SRGAP2: variants seen among roughly 807,000 people sequenced by gnomAD.
SRGAP2 encodes SLIT-ROBO Rho GTPase-activating protein 2.
SRGAP2 carries 15 observed loss-of-function variants against 57.2 expected under a neutral mutation model. That is an observed-to-expected ratio of 0.26 (90% confidence interval 0.18 to 0.40). SRGAP2 has a LOEUF of 0.40. SRGAP2 is among the 10% of genes least tolerant of loss of function. The pLI is 1.00. For missense variants in SRGAP2, 520 were observed against 669.6 expected (o/e 0.78, Z 2.47); for synonymous variants, 249 against 248.0 (o/e 1.00, Z -0.04).
intron 17 of SRGAP2, among the ~76,000 whole-genome samples, chr1:206,440,815 G>A (rs781832758): frequency 1.3e-5 from 2 of 152,344 alleles, no homozygotes; most frequent in East Asian, 3.9e-4. Context: ...AAAGTGCTGG[G>A]ATTACAGGCG....
rs372957447 is a variant in SRGAP2, at chr1:206,334,992, A to G, written c.261-7854A>G. On this transcript the variant is annotated intron_variant, in intron 3 of 22. Transcript: ENST00000573034. ...TTTTTCTATGGACTTTGTGGATCCA[A>G]CTGTCAACATGATATTGATGGTTAT... 3.4e-3 allele frequency among the ~76,000 whole-genome samples: 517 copies of G among 150,776 alleles called. 16 individuals are homozygous for G. In the East Asian group the frequency reaches 0.06, roughly 17 times the overall value.
chr1:206,334,804 T>C (rs1383250237), intron 3 of SRGAP2, among the ~76,000 whole-genome samples: 1 of 150,654 alleles, frequency 6.6e-6, no homozygotes, highest in Non-Finnish European at 1.5e-5. Flanking sequence ...CCTCAGTCAT[T>C]TCCCAAGGTT....
rs113333811 is a variant in SRGAP2 at position 206,446,492 on chromosome 1, C to T, written c.2099+193C>T. ...CCCACAGACTAAATGCCACTTCTTG[C>T]CACCTCCCTTTTTGATGAGTTCTGA... On this transcript the variant is annotated intron_variant, in intron 18 of 22. Transcript: ENST00000573034. 3.0e-3 allele frequency among the ~76,000 whole-genome samples: 454 copies of T among 152,314 alleles called. 1 individual carries two copies. Among genetic ancestry groups the T allele is most frequent in the African/African-American group, 0.011 (440 of 41,574 alleles).
In SRGAP2 at chr1:206,354,289, T is replaced by A. The variant is rs1477296113; in HGVS notation, c.423+11281T>A. Among the ~76,000 whole-genome samples, 7 of 152,334 alleles carry A rather than the reference T, an allele frequency of 4.6e-5. No individual in the cohort carries two copies. In the East Asian group the frequency reaches 1.3e-3, roughly 29 times the overall value. On this transcript the variant is annotated intron_variant, in intron 4 of 22. Coordinates refer to ENST00000573034, the MANE Select transcript of SRGAP2 (RefSeq NM_015326.5). ...GTTTTATTCTAGGAGGCTATTAAAT[T>A]ACTGGTTGATCACCTTGATCTTGTG... is the stretch of plus-strand genomic sequence containing the variant.
intron 2 of SRGAP2, among the ~76,000 whole-genome samples, chr1:206,234,422 C>T (rs1305496671): frequency 2.6e-5 from 4 of 152,138 alleles, no homozygotes; most frequent in African/African-American, 9.7e-5. Context: ...CTCTTAACAG[C>T]TGGTGGCCAT....
intron 10 of SRGAP2, among the ~76,000 whole-genome samples, chr1:206,411,462 G>A (rs1167998206): frequency 2.0e-5 from 3 of 152,096 alleles, no homozygotes; most frequent in African/African-American, 7.2e-5. Flanking sequence ...ATTAAACTGG[G>A]GAGACATGCT....
At chr1:206,357,582 CTTTTTTTTTT>C (rs781912077) in intron 4 of SRGAP2, among the ~76,000 whole-genome samples, 1 of 78,052 alleles carries the variant, frequency 1.3e-5, no homozygotes, top group African/African-American at 5.5e-5. Context: ...GCTATGTTGT[CTTTTTTTTTT>C]TTTTTTTTTT....
At chr1:206,429,623 G>A (rs1661113988) in intron 13 of SRGAP2, among the ~76,000 whole-genome samples, 2 of 152,384 alleles carry the variant, frequency 1.3e-5, no homozygotes, top group South Asian at 4.1e-4. Flanking sequence ...GAAAGAACAG[G>A]CAGTGGAACT....
chr1:206,312,790 G>C lies in SRGAP2; in HGVS notation c.260+9317G>C, dbSNP rs369123577. On this transcript the variant is annotated intron_variant, in intron 3 of 22. Coordinates refer to ENST00000573034, the MANE Select transcript of SRGAP2 (RefSeq NM_015326.5). The stretch of plus-strand genomic sequence containing the variant: ...CAAGAGCAGTGGTAAAGTATTATGC[G>C]AGGGTAGGAAGCCTTTCTAGGGAAG... Among the ~76,000 whole-genome samples, 60 of 152,170 alleles carry C rather than the reference G, an allele frequency of 3.9e-4. No individual in the cohort carries two copies. The East Asian group carries it at 0.01, about 26-fold the overall frequency.
Position 206,461,152 on chromosome 1 carries a change from C to T in SRGAP2, c.2948C>T (p.Ser983Phe), listed in dbSNP as rs782746884. 6 of 780,744 alleles carry T rather than the reference C, an allele frequency of 7.7e-6. No individual in the cohort carries two copies. The South Asian group carries it at 8.0e-5, about 10-fold the overall frequency. 48.4% of individuals were successfully genotyped at this position (780,744 alleles called of 1,614,324 possible). A position where few individuals can be genotyped will look rare whatever the true frequency, so the allele number is the denominator to read the frequency against. Residue 983 changes from serine to phenylalanine, a missense_variant, in exon 23 of 23, where the codon TCC becomes TTC. This residue lies in a region of SRGAP2 where 478 missense variants were observed against 373.6 expected (regional missense o/e 1.28). Coordinates refer to ENST00000573034, the MANE Select transcript of SRGAP2 (RefSeq NM_015326.5). ...VLDTLEPLKT[S>F]PVVAPTSEPS... The stretch of plus-strand genomic sequence containing the variant: ...GACACCTTGGAGCCCCTCAAAACCT[C>T]CCCAGTGGTGGCCCCCACGTCAGAG...
chr1:206,454,185 C>T lies in SRGAP2; in HGVS notation c.2361-693C>T, dbSNP rs782683889. The T allele has an allele frequency of 1.4e-5, 10 of 702,254 alleles. No individual in the cohort carries two copies. Among genetic ancestry groups the T allele is most frequent in the African/African-American group, 3.5e-5 (2 of 57,254 alleles). 43.5% of individuals were successfully genotyped at this position (702,254 alleles called of 1,614,324 possible). Reference sequence around the variant, plus strand: ...AGTCTGCACCCTCCCAGCCTCTTCCCGGCTCGTTCTGCAGGGAAATCCTCC... The same window carrying T: ...AGTCTGCACCCTCCCAGCCTCTTCCTGGCTCGTTCTGCAGGGAAATCCTCC... On this transcript the variant is annotated intron_variant, in intron 20 of 22. Transcript: ENST00000573034. This position sits in a 1 kb window ranked among gnomAD's most constrained non-coding sequence, Gnocchi z 4.3.
chr1:206,213,092 G>A (rs1313988483), intron 2 of SRGAP2, among the ~76,000 whole-genome samples: 1 of 152,158 alleles, frequency 6.6e-6, no homozygotes, highest in Non-Finnish European at 1.5e-5. Context: ...ACGGGAGGCT[G>A]AGGCACGAGA....
chr1:206,312,846 G>A (rs1392740397), intron 3 of SRGAP2, among the ~76,000 whole-genome samples: 2 of 151,938 alleles, frequency 1.3e-5, no homozygotes, highest in Admixed American at 1.3e-4. Context: ...GCTCCTTGAA[G>A]AGCATAAATG....
rs1270351948 is a variant in SRGAP2, at chr1:206,462,339, A to G, written c.*919A>G. ...CATTTAAGACATTTTCCTGTATAAG[A>G]CAGTTTTATAGCTGGTTCCTTTTAG... is the stretch of plus-strand genomic sequence containing the variant. On this transcript the variant is annotated 3_prime_UTR_variant, in exon 23 of 23. Transcript: ENST00000573034. The G allele has an allele frequency of 6.6e-6, 1 of 152,608 alleles. No homozygotes were observed. Among genetic ancestry groups the G allele is most frequent in the Non-Finnish European group, 1.5e-5 (1 of 68,036 alleles). 9.5% of individuals were successfully genotyped at this position (152,608 alleles called of 1,614,324 possible).
Position 206,436,665 on chromosome 1 carries a change from A to T in SRGAP2, c.1556-300A>T, listed in dbSNP as rs77250583. On this transcript the variant is annotated intron_variant, in intron 14 of 22. Transcript: ENST00000573034. The stretch of plus-strand genomic sequence containing the variant: ...TGATTTAAAAAAGTACCAATGGGTC[A>T]CTTCTTTGCTTTACAGATGGGAAAA... Among the ~76,000 whole-genome samples, 1,514 of 152,304 alleles carry T rather than the reference A, an allele frequency of 9.9e-3. 33 individuals are homozygous for T. Among genetic ancestry groups the T allele is most frequent in the African/African-American group, 0.035 (1,447 of 41,568 alleles).
chr1:206,377,202 G>C (rs1213337373), intron 4 of SRGAP2, among the ~76,000 whole-genome samples: 44 of 151,942 alleles, frequency 2.9e-4, no homozygotes, highest in Non-Finnish European at 8.8e-5. Flanking sequence ...CAAGTATTGG[G>C]CCTTAGACTA....
At chr1:206,229,715 T>G (rs1667502964) in intron 2 of SRGAP2, among the ~76,000 whole-genome samples, 2 of 152,080 alleles carry the variant, frequency 1.3e-5, no homozygotes, top group South Asian at 2.1e-4. Flanking sequence ...TATTTGTACT[T>G]GGTCTTTTCT....
In SRGAP2 at chr1:206,462,965, TCTC is replaced by T; in HGVS notation, c.*1546_*1548del. 1 of 152,318 alleles carries T rather than the reference TCTC, an allele frequency of 6.6e-6. No homozygotes were observed. The highest frequency in any genetic ancestry group is 2.4e-5 in the African/African-American group (1 of 41,562). The allele number at this position is 152,318 out of a possible 1,614,324, so 9.4% of individuals were successfully genotyped here. ...AGTTAAAGCTGAAACTCATCCTTCT[TCTC>T]TGTGTTTTCTGGTTTAAAAGCTGCA... is the stretch of plus-strand genomic sequence containing the variant. On this transcript the variant is annotated 3_prime_UTR_variant, in exon 23 of 23. Coordinates refer to ENST00000573034, the MANE Select transcript of SRGAP2 (RefSeq NM_015326.5).
intron 4 of SRGAP2, among the ~76,000 whole-genome samples, chr1:206,375,953 T>C (rs1655158201): frequency 6.7e-6 from 1 of 150,292 alleles, no homozygotes; most frequent in Non-Finnish European, 1.5e-5. Flanking sequence ...GCCATTTCTG[T>C]CCTAGAGGAG....
Sources: allele counts gnomAD v4.1 joint callset (sites outside exome capture counted in the v4.1 genomes callset), GRCh38; gene constraint gnomAD v4.1.1; regional missense constraint gnomAD v4.1.1; non-coding constraint Gnocchi (gnomAD v3.1); transcripts MANE v1.5; gene names NCBI Gene and HGNC (gene_info 2026-07-23, HGNC 2026-07-21).